BAG3: variants seen among roughly 807,000 people sequenced by gnomAD.
BAG3 encodes the protein BAG family molecular chaperone regulator 3.
A neutral mutation model predicts 40.5 loss-of-function variants in BAG3; 14 were observed. The observed-to-expected ratio is 0.35, with a 90% CI of 0.23 to 0.54. BAG3 has a LOEUF of 0.54. BAG3 is among the 20% of genes least tolerant of loss of function. The pLI is 0.91. For synonymous variants in BAG3, 302 were observed against 307.8 expected, an observed-to-expected ratio of 0.98 and a Z score of 0.20; for missense variants, 788 against 758.6, an observed-to-expected ratio of 1.04 and a Z score of -0.46.
Position 119,651,777 on chromosome 10 carries a change from C to G in BAG3, c.102C>G (p.Thr34=), listed in dbSNP as rs145934400. ...GGGAGATCAAGATCGACCCGCAGAC[C>G]GGCTGGCCCTTCTTCGTGGACCACA... is the stretch of plus-strand genomic sequence containing the variant. ...PGWEIKIDPQ[T]GWPFFVDHNS... The change falls in exon 1 of 4, where the codon ACC becomes ACG. Residue 34 remains threonine (T), a synonymous_variant. Transcript: ENST00000369085. The G allele has an allele frequency of 6.9e-6, 11 of 1,601,628 alleles. No individual in the cohort carries two copies. Among genetic ancestry groups the G allele is most frequent in the Non-Finnish European group, 9.4e-6 (11 of 1,174,710 alleles).
rs397516883 is a variant in BAG3, at chr10:119,672,532, C to T, written c.785C>T (p.Ala262Val). Reference protein sequence around the residue: ...GDDWEPRPLRAASPFRSSVQG... With the variant: ...GDDWEPRPLRVASPFRSSVQG... ...GACTGGGAGCCCCGGCCCCTGCGGG[C>T]GGCATCCCCGTTCAGGTCATCTGTC... is the stretch of plus-strand genomic sequence containing the variant. Residue 262 changes from alanine (A) to valine (V), a missense_variant, in exon 3 of 4, where the codon GCG becomes GTG. Ala to Val is a moderately conservative substitution (Grantham distance 64). Transcript: ENST00000369085. This position sits in a 1 kb window ranked among gnomAD's most constrained non-coding sequence, Gnocchi z 4.8. 94 of 1,613,824 alleles carry T rather than the reference C, an allele frequency of 5.8e-5. No homozygotes were observed. The highest frequency in any genetic ancestry group is 6.9e-5 in the Non-Finnish European group (81 of 1,179,870).
intron 1 of BAG3, 86 bp from the exon 2 acceptor site, chr10:119,669,765 A>G (rs1436681709): frequency 1.2e-5 from 17 of 1,378,282 alleles, no homozygotes; most frequent in Middle Eastern, 1.8e-4. Context: ...GAAGATCACA[A>G]TGCCAAGCGC....
rs117749531 is a variant in BAG3 at position 119,676,794 on chromosome 10, G to A, written c.1240G>A (p.Glu414Lys). Residue 414 changes from glutamate (E) to lysine (K), a missense_variant, in exon 4 of 4, where the codon GAG (glutamate) becomes AAG (lysine). Glu to Lys is a moderately conservative substitution (Grantham distance 56). Coordinates refer to ENST00000369085, the MANE Select transcript of BAG3 (RefSeq NM_004281.4). ...EATPPKPGEA[E>K]APPKHPGVLK... Reference sequence around the variant, plus strand: ...TACACCTCCAAAACCAGGAGAAGCCGAGGCTCCCCCAAAACATCCAGGAGT... The same window carrying A: ...TACACCTCCAAAACCAGGAGAAGCCAAGGCTCCCCCAAAACATCCAGGAGT... 358 of 1,614,130 alleles carry A rather than the reference G, an allele frequency of 2.2e-4. 1 individual carries two copies. Among genetic ancestry groups the A allele is most frequent in the Middle Eastern group, 2.1e-3 (13 of 6,062 alleles).
chr10:119,671,829 C>G (rs1847154551), intron 2 of BAG3, among the ~76,000 whole-genome samples: 1 of 152,126 alleles, frequency 6.6e-6, no homozygotes, highest in Non-Finnish European at 1.5e-5. Flanking sequence ...CTCTCTGTTG[C>G]CCAGACTGGA....
At chr10:119,671,647 C>T (rs1411151824) in intron 2 of BAG3, among the ~76,000 whole-genome samples, 1 of 152,214 alleles carries the variant, frequency 6.6e-6, no homozygotes, top group East Asian at 1.9e-4. Flanking sequence ...ATCTTCAGAG[C>T]AGCCCAGTGA....
chr10:119,675,153 G>C (rs940666884), intron 3 of BAG3, among the ~76,000 whole-genome samples: 1 of 152,286 alleles, frequency 6.6e-6, no homozygotes, highest in South Asian at 2.1e-4. Flanking sequence ...GCAGCATGGT[G>C]AAACCCTGTC....
chr10:119,673,134 C>T (rs2134065769), intron 3 of BAG3, among the ~76,000 whole-genome samples: 1 of 152,310 alleles, frequency 6.6e-6, no homozygotes, highest in South Asian at 2.1e-4. Context: ...AATGCCCGCA[C>T]AGTATAGGTT....
At chr10:119,676,029 G>A (rs1188085189) in intron 3 of BAG3, among the ~76,000 whole-genome samples, 1 of 142,104 alleles carries the variant, frequency 7.0e-6, no homozygotes, top group East Asian at 2.2e-4. Flanking sequence ...GGGCTCAAGC[G>A]ATTCTTCCGC....
At chr10:119,659,243 T>C (rs1158270087) in intron 1 of BAG3, among the ~76,000 whole-genome samples, 1 of 152,200 alleles carries the variant, frequency 6.6e-6, no homozygotes, top group Non-Finnish European at 1.5e-5. Flanking sequence ...CTGCCCAAGA[T>C]AGGCTGGGTC....
At chr10:119,675,551 T>TA (rs1564775743) in intron 3 of BAG3, among the ~76,000 whole-genome samples, 1 of 152,062 alleles carries the variant, frequency 6.6e-6, no homozygotes, top group African/African-American at 2.4e-5. Context: ...GTCACGGTTT[T>TA]AAAAAAAGAA....
chr10:119,665,092 T>TTG (rs1554876557), intron 1 of BAG3, among the ~76,000 whole-genome samples: 1,199 of 87,996 alleles, frequency 0.014, 41 homozygotes, highest in South Asian at 0.079. Flanking sequence ...TAATTTTTGT[T>TTG]TGTGTGTGTG....
intron 1 of BAG3, among the ~76,000 whole-genome samples, chr10:119,663,699 G>A (rs952624478): frequency 1.4e-4 from 21 of 152,078 alleles, no homozygotes; most frequent in African/African-American, 4.6e-4. Flanking sequence ...AGGAGTAGTC[G>A]TTTTTAGATT....
At chr10:119,669,799 G>C (rs368645351) in intron 1 of BAG3, 52 bp from the exon 2 acceptor site, 1 of 1,548,596 alleles carries the variant, frequency 6.5e-7, no homozygotes. Context: ...CTGCCAGGAG[G>C]GTTCACTTCC....
rs1428124951 is a variant in BAG3, at chr10:119,675,915, T to TCCTTCCTCCCTC, written c.910-545_910-534dup. 2.3e-3 allele frequency among the ~76,000 whole-genome samples: 14 copies of TCCTTCCTCCCTC among 5,972 alleles called. 1 individual carries two copies. The highest frequency in any genetic ancestry group is 3.1e-3 in the Non-Finnish European group (12 of 3,910). The allele number at this position is 5,972 out of a possible 152,430, so 3.9% of individuals were successfully genotyped here. A position where few individuals can be genotyped will look rare whatever the true frequency, so the allele number is the denominator to read the frequency against. On this transcript the variant is annotated intron_variant, in intron 3 of 3. Transcript: ENST00000369085. ...TTCCTTCCTTCCCCCCTTCCTTCCTTCCTTCCTCCCTCCCTCCCTTCCTTC... is the reference window on the plus strand; with the variant it reads ...TTCCTTCCTTCCCCCCTTCCTTCCTTCCTTCCTCCCTCCCTTCCTCCCTCCCTCCCTTCCTTC...
Position 119,677,479 on chromosome 10 carries a change from TAAA to T in BAG3, c.*198_*200del, listed in dbSNP as rs1017649999. ...CTTCTATATTCTTACTCTGTACAAA[TAAA>T]GAAGTTGCTTGTTGTTTGAGAAGTT... On this transcript the variant is annotated 3_prime_UTR_variant, in exon 4 of 4. Coordinates refer to ENST00000369085, the MANE Select transcript of BAG3 (RefSeq NM_004281.4). 2.3e-5 allele frequency: 17 copies of T among 727,480 alleles called. No homozygotes were observed. Among genetic ancestry groups the T allele is most frequent in the East Asian group, 8.2e-5 (3 of 36,714 alleles). 45.1% of individuals were successfully genotyped at this position (727,480 alleles called of 1,614,324 possible). A position where few individuals can be genotyped will look rare whatever the true frequency, so the allele number is the denominator to read the frequency against.
intron 1 of BAG3, 106 bp downstream of exon 1, chr10:119,651,961 G>A (rs1846848435): frequency 3.9e-6 from 4 of 1,019,474 alleles, no homozygotes; most frequent in Admixed American, 4.7e-5. Context: ...CCCGGGGGTC[G>A]GCGAAGGCCC....
rs397516880 is a variant in BAG3, at chr10:119,651,786, C to T, written c.111C>T (p.Pro37=). 11 of 1,602,640 alleles carry T rather than the reference C, an allele frequency of 6.9e-6. No homozygotes were observed. The highest frequency in any genetic ancestry group is 7.7e-6 in the Non-Finnish European group (9 of 1,175,146). Residue 37 remains proline (P), a synonymous_variant, in exon 1 of 4, where the codon CCC becomes CCT. Coordinates refer to ENST00000369085, the MANE Select transcript of BAG3 (RefSeq NM_004281.4). ...AGATCGACCCGCAGACCGGCTGGCC[C>T]TTCTTCGTGGACCACAACAGCCGCA... ...EIKIDPQTGW[P]FFVDHNSRTT... is the part of the protein sequence containing the mutation.
At position 119,651,561 on chromosome 10, in the gene BAG3, G is replaced by C. The variant is rs1846839122; in HGVS notation, c.-115G>C. On this transcript the variant is annotated 5_prime_UTR_variant, in exon 1 of 4. Coordinates refer to ENST00000369085, the MANE Select transcript of BAG3 (RefSeq NM_004281.4). Reference sequence around the variant, plus strand: ...TAATTCATAAAGGTGCCCGGCGCCGGCTTCCCGGACACGTCGGCGGCGGAG... The same window carrying C: ...TAATTCATAAAGGTGCCCGGCGCCGCCTTCCCGGACACGTCGGCGGCGGAG... 2.9e-6 allele frequency: 3 copies of C among 1,039,450 alleles called. No individual in the cohort carries two copies. Among genetic ancestry groups the C allele is most frequent in the Non-Finnish European group, 3.8e-6 (3 of 785,016 alleles). The allele number at this position is 1,039,450 out of a possible 1,614,324, so 64.4% of individuals were successfully genotyped here.
Position 119,677,479 on chromosome 10 carries a change from TAAAG to T in BAG3, c.*200_*203del, listed in dbSNP as rs1383834862. On this transcript the variant is annotated 3_prime_UTR_variant, in exon 4 of 4. Coordinates refer to ENST00000369085, the MANE Select transcript of BAG3 (RefSeq NM_004281.4). ...CTTCTATATTCTTACTCTGTACAAA[TAAAG>T]AAGTTGCTTGTTGTTTGAGAAGTTT... 5 of 727,362 alleles carry T rather than the reference TAAAG, an allele frequency of 6.9e-6. No homozygotes were observed. The highest frequency in any genetic ancestry group is 5.4e-5 in the East Asian group (2 of 36,726). The allele number at this position is 727,362 out of a possible 1,614,324, so 45.1% of individuals were successfully genotyped here. A position where few individuals can be genotyped will look rare whatever the true frequency, so the allele number is the denominator to read the frequency against.
Sources: allele counts gnomAD v4.1 joint callset (sites outside exome capture counted in the v4.1 genomes callset), GRCh38; gene constraint gnomAD v4.1.1; non-coding constraint Gnocchi (gnomAD v3.1); transcripts MANE v1.5; gene names NCBI Gene and HGNC (gene_info 2026-07-23, HGNC 2026-07-21).